ANXA10: variants seen among roughly 807,000 people sequenced by gnomAD.
ANXA10 encodes the protein annexin A10.
A neutral mutation model predicts 53.5 loss-of-function variants in ANXA10; 49 were observed. The ratio of observed to expected loss-of-function variants is 0.92; its 90% CI spans 0.73 to 1.16. The LOEUF (loss-of-function observed/expected upper bound fraction) is 1.16. Ranked by LOEUF, ANXA10 falls within the 50% of genes most tolerant of loss-of-function variation. The pLI is 0.00. For synonymous variants in ANXA10, 131 were observed against 128.9 expected (o/e 1.02, Z -0.11); for missense variants, 393 against 394.4 (o/e 1.00, Z 0.03).
intron 1 of ANXA10, among the ~76,000 whole-genome samples, chr4:168,112,078 G>A (rs1234623556): frequency 6.6e-6 from 1 of 152,136 alleles, no homozygotes; most frequent in Non-Finnish European, 1.5e-5. Context: ...CGGATCACTT[G>A]AGGCCAGCAG....
At chr4:168,115,493 A>ACACG (rs1334144455) in intron 1 of ANXA10, among the ~76,000 whole-genome samples, 4 of 109,724 alleles carry the variant, frequency 3.6e-5, no homozygotes, top group Non-Finnish European at 6.8e-5. Context: ...CCTACAATAC[A>ACACG]CACGCACACA....
intron 10 of ANXA10, among the ~76,000 whole-genome samples, chr4:168,183,335 C>T (rs1462630558): frequency 2.6e-5 from 4 of 152,178 alleles, no homozygotes; most frequent in African/African-American, 9.6e-5. Flanking sequence ...TGCTTCTCTC[C>T]TATTCTATTT....
intron 3 of ANXA10, among the ~76,000 whole-genome samples, chr4:168,153,448 CAAAAACAAAACAA>C (rs1560782319): frequency 1.6e-4 from 6 of 38,472 alleles, no homozygotes; most frequent in South Asian, 8.4e-4. Flanking sequence ...AAAACAAAAA[CAAAAACAAAACAA>C]AAAAAAAAAC....
chr4:168,154,244 C>T (rs761389963), intron 3 of ANXA10, among the ~76,000 whole-genome samples: 1 of 152,032 alleles, frequency 6.6e-6, no homozygotes, highest in Non-Finnish European at 1.5e-5. Context: ...CCTTTTTTAT[C>T]CTTTACCAAG....
At chr4:168,145,967 G>A (rs1156629027) in intron 3 of ANXA10, among the ~76,000 whole-genome samples, 1 of 151,854 alleles carries the variant, frequency 6.6e-6, no homozygotes, top group African/African-American at 2.4e-5. Context: ...GTGTCACCCA[G>A]GCTGGAGTGC....
intron 2 of ANXA10, among the ~76,000 whole-genome samples, chr4:168,131,022 T>C (rs1731148954): frequency 6.6e-6 from 1 of 151,930 alleles, no homozygotes; most frequent in African/African-American, 2.4e-5. Context: ...CTTTCTTTTC[T>C]TCTATTTATG....
At chr4:168,102,915 T>G (rs1436456828) in intron 1 of ANXA10, among the ~76,000 whole-genome samples, 2 of 152,152 alleles carry the variant, frequency 1.3e-5, no homozygotes, top group African/African-American at 4.8e-5. Flanking sequence ...CATTGTAGTT[T>G]TACTTTGAAT....
chr4:168,127,441 A>G (rs1214309171), intron 1 of ANXA10, among the ~76,000 whole-genome samples: 1 of 152,158 alleles, frequency 6.6e-6, no homozygotes, highest in Non-Finnish European at 1.5e-5. Context: ...TTATACAGAA[A>G]AAAGCTGTAG....
At chr4:168,156,206 T>TATTATATATAATATA (rs1553957762) in intron 3 of ANXA10, among the ~76,000 whole-genome samples, 9 of 16,882 alleles carry the variant, frequency 5.3e-4, no homozygotes, top group Admixed American at 2.3e-3. Flanking sequence ...ATAATATATA[T>TATTATATATAATATA]TATATTATAT....
At chr4:168,141,571 A>G (rs1215428076) in intron 3 of ANXA10, among the ~76,000 whole-genome samples, 1 of 152,180 alleles carries the variant, frequency 6.6e-6, no homozygotes, top group Non-Finnish European at 1.5e-5. Flanking sequence ...GCTACTAAAA[A>G]GTATGGGGAA....
chr4:168,162,533 G>T lies in ANXA10; in HGVS notation c.201G>T (p.Leu67=), dbSNP rs1398459653. ...ATGTACTTTTTCCTCCACAGGACCTGATTGGGGATATGAGGGAGCAGCTTT... is the reference window on the plus strand; with the variant it reads ...ATGTACTTTTTCCTCCACAGGACCTTATTGGGGATATGAGGGAGCAGCTTT... ...EAYQSMYGRD[L]IGDMREQLSD... is the part of the protein sequence containing the mutation. Residue 67 remains leucine (L), a synonymous_variant, in exon 4 of 12, where the codon CTG becomes CTT. Transcript: ENST00000359299. 1 of 1,613,346 alleles carries T rather than the reference G, an allele frequency of 6.2e-7. No individual in the cohort carries two copies. The highest frequency in any genetic ancestry group is 8.5e-7 in the Non-Finnish European group (1 of 1,179,370).
chr4:168,155,317 TTATATTATATGTATTACATTATATATAA>T (rs1731589064), intron 3 of ANXA10, among the ~76,000 whole-genome samples: 1 of 127,464 alleles, frequency 7.8e-6, no homozygotes, highest in African/African-American at 3.0e-5. Flanking sequence ...AATATATATA[TTATATTATATGTATTACATTATATATAA>T]TATATTATAT....
intron 2 of ANXA10, among the ~76,000 whole-genome samples, chr4:168,138,606 ATTGT>A (rs572635885): frequency 1.4e-3 from 215 of 152,180 alleles, no homozygotes; most frequent in African/African-American, 4.7e-3. Context: ...GAACTTTAGG[ATTGT>A]TTGTCATAAT....
At chr4:168,182,142 T>C (rs1732260730) in intron 10 of ANXA10, among the ~76,000 whole-genome samples, 3 of 152,068 alleles carry the variant, frequency 2.0e-5, no homozygotes, top group Non-Finnish European at 2.9e-5. Context: ...GCCACGTTCG[T>C]GAAGTTTCAA....
intron 3 of ANXA10, among the ~76,000 whole-genome samples, chr4:168,146,359 G>C (rs1380607583): frequency 4.6e-5 from 7 of 152,190 alleles, no homozygotes; most frequent in African/African-American, 2.4e-5. Flanking sequence ...ACTTGAAAAA[G>C]TGTTATCATT....
intron 1 of ANXA10, among the ~76,000 whole-genome samples, chr4:168,108,764 T>C (rs934798060): frequency 6.6e-6 from 1 of 152,158 alleles, no homozygotes; most frequent in Non-Finnish European, 1.5e-5. Flanking sequence ...ATCTGAGCTT[T>C]AGACATTTCT....
chr4:168,156,423 ATAC>A (rs1731684380), intron 3 of ANXA10, among the ~76,000 whole-genome samples: 1 of 29,438 alleles, frequency 3.4e-5, no homozygotes, highest in Admixed American at 4.9e-4. Flanking sequence ...TATATTATAT[ATAC>A]TATATAATAT....
At position 168,139,494 on chromosome 4, in the gene ANXA10, A is replaced by G. The variant is rs781124288; in HGVS notation, c.109A>G (p.Lys37Glu). 2 of 1,612,310 alleles carry G rather than the reference A, an allele frequency of 1.2e-6. No individual in the cohort carries two copies. The highest frequency in any genetic ancestry group is 1.7e-6 in the Non-Finnish European group (2 of 1,178,602). The change falls in exon 3 of 12, where the codon AAA becomes GAA. Residue 37 changes from lysine (K) to glutamate (E), a missense_variant. Coordinates refer to ENST00000359299, the MANE Select transcript of ANXA10 (RefSeq NM_007193.5). Reference protein sequence around the residue: ...GGALQGFDCDKDMLINILTQR... With the variant: ...GGALQGFDCDEDMLINILTQR... ...ATATTATTCTTTTCCAGACTGTGAC[A>G]AAGACATGCTGATCAACATTCTGAC...
intron 1 of ANXA10, among the ~76,000 whole-genome samples, chr4:168,099,268 T>C (rs983295971): frequency 6.6e-6 from 1 of 152,164 alleles, no homozygotes; most frequent in African/African-American, 2.4e-5. Flanking sequence ...ATGTACATAT[T>C]CTTCTAGGCA....
Sources: allele counts gnomAD v4.1 joint callset (sites outside exome capture counted in the v4.1 genomes callset), GRCh38; gene constraint gnomAD v4.1.1; transcripts MANE v1.5; gene names NCBI Gene and HGNC (gene_info 2026-07-23, HGNC 2026-07-21).